The following SHANK1 variants were observed in gnomAD, a reference collection of about 807,000 sequenced individuals.
SHANK1 encodes SH3 and multiple ankyrin repeat domains 1.
SHANK1 carries 35 observed loss-of-function variants against 165.6 expected under a neutral mutation model. The ratio of observed to expected loss-of-function variants is 0.21; its 90% CI spans 0.16 to 0.28. The LOEUF (loss-of-function observed/expected upper bound fraction) is 0.28. SHANK1 is among the 10% of genes least tolerant of loss of function. SHANK1 has a pLI of 1.00. For missense variants in SHANK1, 2,681 were observed against 3,036.4 expected, an observed-to-expected ratio of 0.88 and a Z score of 2.75; for synonymous variants, 1,428 against 1,384.8, an observed-to-expected ratio of 1.03 and a Z score of -0.69.
intron 1 of SHANK1, among the ~76,000 whole-genome samples, chr19:50,719,005 G>T (rs1286836183): frequency 6.6e-6 from 1 of 151,566 alleles, no homozygotes; most frequent in Non-Finnish European, 1.5e-5. Flanking sequence ...CTAGACCCTC[G>T]CTGGAGGGGA....
intron 15 of SHANK1, 49 bp from the exon 16 acceptor site, chr19:50,689,328 G>A (rs779405105): frequency 7.5e-7 from 1 of 1,329,286 alleles, no homozygotes; most frequent in Non-Finnish European, 1.1e-6. Flanking sequence ...GAGTGGAGAA[G>A]ACATCATGAG....
At chr19:50,715,805 G>A (rs1005175249) in intron 3 of SHANK1, 75 bp from the exon 4 acceptor site, 9 of 1,401,746 alleles carry the variant, frequency 6.4e-6, no homozygotes, top group South Asian at 1.2e-5. Flanking sequence ...GCTTGGGGTA[G>A]GGGAAGGTCT....
Position 50,716,187 on chromosome 19 carries a change from G to T in SHANK1, c.459+88C>A. 1 of 1,291,312 alleles carries T rather than the reference G, an allele frequency of 7.7e-7. No homozygotes were observed. Among genetic ancestry groups the T allele is most frequent in the Non-Finnish European group, 1.1e-6 (1 of 898,600 alleles). The allele number at this position is 1,291,312 out of a possible 1,614,324, so 80.0% of individuals were successfully genotyped here. On this transcript the variant is annotated intron_variant, in intron 3 of 23. Coordinates refer to ENST00000293441, the MANE Select transcript of SHANK1 (RefSeq NM_016148.5). The surrounding 1 kb of genome is among the most constrained non-coding windows in gnomAD (Gnocchi z 8.4). ...GCACACTGGGTGCCCCCTCGTTAAG[G>T]TTTCGAGTGTGTTAAAAAGTGGGTG... is the stretch of plus-strand genomic sequence containing the variant.
chr19:50,695,516 C>CCCCCCTTAATCCCCCT (rs1986711201), intron 15 of SHANK1, among the ~76,000 whole-genome samples: 1 of 151,326 alleles, frequency 6.6e-6, no homozygotes, highest in Non-Finnish European at 1.5e-5. Context: ...CGGTCTGGGC[C>CCCCCCTTAATCCCCCT]CCCCCTTAAT....
intron 15 of SHANK1, among the ~76,000 whole-genome samples, chr19:50,693,366 C>G (rs557281596): frequency 6.6e-6 from 1 of 151,504 alleles, no homozygotes; most frequent in South Asian, 2.1e-4. Flanking sequence ...CCAGACCCCT[C>G]TAGTCCCTCC....
chr19:50,708,524 G>A (rs1180043808), intron 8 of SHANK1, among the ~76,000 whole-genome samples: 14 of 138,980 alleles, frequency 1.0e-4, no homozygotes, highest in Admixed American at 7.7e-4. Context: ...CAGGCCAGAT[G>A]CTGTGTCTGA....
Position 50,662,827 on chromosome 19 carries a change from A to G in SHANK1, c.5769-145T>C. 1 of 814,048 alleles carries G rather than the reference A, an allele frequency of 1.2e-6. No individual in the cohort carries two copies. The allele number at this position is 814,048 out of a possible 1,614,324, so 50.4% of individuals were successfully genotyped here. A position where few individuals can be genotyped will look rare whatever the true frequency, so the allele number is the denominator to read the frequency against. The stretch of plus-strand genomic sequence containing the variant: ...AGAGACGGAGGAGAGACGGGAAGAA[A>G]TGGAGGGAGCAAGGGGTAAGACGGC... On this transcript the variant is annotated intron_variant, in intron 23 of 23. Transcript: ENST00000293441. The surrounding 1 kb of genome is among the most constrained non-coding windows in gnomAD (Gnocchi z 7.7).
intron 21 of SHANK1, among the ~76,000 whole-genome samples, chr19:50,674,741 G>A (rs1457070396): frequency 1.3e-5 from 2 of 152,034 alleles, no homozygotes; most frequent in Admixed American, 6.6e-5. Flanking sequence ...GGGCAGCATA[G>A]GGAGACTCTG....
At chr19:50,693,543 C>T (rs1986612400) in intron 15 of SHANK1, among the ~76,000 whole-genome samples, 6 of 151,992 alleles carry the variant, frequency 3.9e-5, no homozygotes, top group Admixed American at 3.3e-4. Context: ...GGATCCCACA[C>T]ACAGGGGCAC....
intron 23 of SHANK1, among the ~76,000 whole-genome samples, chr19:50,664,726 T>C (rs566707355): frequency 2.2e-4 from 34 of 152,220 alleles, no homozygotes; most frequent in African/African-American, 7.7e-4. Flanking sequence ...GAAACAAACA[T>C]AAGCAGGTCT....
At position 50,660,041 on chromosome 19, in the gene SHANK1, CT is replaced by C. The variant is rs542900451; in HGVS notation, c.*1923del. ...CCCCTCATGGACGGAGCGCCCCCCC[CT>C]CTCGGGGGTAGGGGGCAGCAGAGGG... is the stretch of plus-strand genomic sequence containing the variant. On this transcript the variant is annotated 3_prime_UTR_variant, in exon 24 of 24. Coordinates refer to ENST00000293441, the MANE Select transcript of SHANK1 (RefSeq NM_016148.5). Among the ~76,000 whole-genome samples the C allele has an allele frequency of 6.8e-4, 103 of 151,342 alleles. No homozygotes were observed. The highest frequency in any genetic ancestry group is 3.4e-3 in the Middle Eastern group (1 of 294).
Position 50,672,050 on chromosome 19 carries a change from C to T in SHANK1, c.2642G>A (p.Gly881Glu), listed in dbSNP as rs1206346965. The T allele has an allele frequency of 3.7e-6, 6 of 1,613,970 alleles. No individual in the cohort carries two copies. Among genetic ancestry groups the T allele is most frequent in the Non-Finnish European group, 5.1e-6 (6 of 1,179,964 alleles). The change falls in exon 22 of 24, where the codon GGA becomes GAA. Residue 881 changes from glycine (G) to glutamate (E), a missense_variant. Transcript: ENST00000293441. ...TTTTTGCCGGAGCATCAACCCAGGTCCTGGAGGCAGGAAAGAAGGACGCTC... is the reference window on the plus strand; with the variant it reads ...TTTTTGCCGGAGCATCAACCCAGGTTCTGGAGGCAGGAAAGAAGGACGCTC... ...SYERPSFLPP[G>E]PGLMLRQKSI...
chr19:50,682,345 C>A (rs897847735), intron 21 of SHANK1, among the ~76,000 whole-genome samples: 1 of 152,144 alleles, frequency 6.6e-6, no homozygotes, highest in Non-Finnish European at 1.5e-5. Flanking sequence ...TGTGCCACTG[C>A]GCCCGGCCCA....
In SHANK1 at chr19:50,712,099, C is replaced by T; in HGVS notation, c.808G>A (p.Gly270Arg). 1 of 1,602,928 alleles carries T rather than the reference C, an allele frequency of 6.2e-7. No homozygotes were observed. ...CGGTCCTTGTAGTTGGGGGAACCCC[C>T]AAGGTCCAGGAGCGCCTAGGAACGG... Reference protein sequence around the residue: ...CLALTALLDLGGSPNYKDRRG... With the variant: ...CLALTALLDLRGSPNYKDRRG... Residue 270 changes from glycine (G) to arginine (R), a missense_variant, in exon 7 of 24, where the codon GGG (glycine) becomes AGG (arginine). Gly to Arg is a moderately radical substitution (Grantham distance 125). Transcript: ENST00000293441.
chr19:50,675,319 G>A (rs1379879025), intron 21 of SHANK1, among the ~76,000 whole-genome samples: 1 of 152,084 alleles, frequency 6.6e-6, no homozygotes, highest in African/African-American at 2.4e-5. Flanking sequence ...CTGTTGCACT[G>A]GCCACATTTG....
chr19:50,660,023 TGGAC>T lies in SHANK1; in HGVS notation c.*1938_*1941del, dbSNP rs1399893358. ...GGGGGCTTGCAGCCCCCTCCCCTCA[TGGAC>T]GGAGCGCCCCCCCCTCTCGGGGGTA... On this transcript the variant is annotated 3_prime_UTR_variant, in exon 24 of 24. Coordinates refer to ENST00000293441, the MANE Select transcript of SHANK1 (RefSeq NM_016148.5). 6.8e-6 allele frequency among the ~76,000 whole-genome samples: 1 copy of T among 148,104 alleles called. No individual in the cohort carries two copies. Among genetic ancestry groups the T allele is most frequent in the Non-Finnish European group, 1.5e-5 (1 of 66,882 alleles).
rs534480705 is a variant in SHANK1, at chr19:50,704,101, C to A, written c.1222+19G>T. ...ACCGCCCCAGGTTCTCTGTGCAGTC[C>A]GAGCTCCCTGTCACTCACCCACATC... On this transcript the variant is annotated intron_variant, in intron 10 of 23. Transcript: ENST00000293441. The A allele has an allele frequency of 1.2e-6, 2 of 1,613,214 alleles. No homozygotes were observed. Among genetic ancestry groups the A allele is most frequent in the Non-Finnish European group, 1.7e-6 (2 of 1,179,486 alleles).
Position 50,702,261 on chromosome 19 carries a change from C to T in SHANK1, c.1747+206G>A, listed in dbSNP as rs1033304109. Among the ~76,000 whole-genome samples the T allele has an allele frequency of 5.3e-5, 8 of 152,148 alleles. No homozygotes were observed. The highest frequency in any genetic ancestry group is 2.0e-4 in the Admixed American group (3 of 15,288). On this transcript the variant is annotated intron_variant, in intron 12 of 23. Transcript: ENST00000293441. This position sits in a 1 kb window ranked among gnomAD's most constrained non-coding sequence, Gnocchi z 5.3. Reference sequence around the variant, plus strand: ...GGCATCAGTGTCCCGCAGTGGGACACGGCTCACTTCACTGCCTCCTGACAG... The same window carrying T: ...GGCATCAGTGTCCCGCAGTGGGACATGGCTCACTTCACTGCCTCCTGACAG...
chr19:50,693,759 G>A (rs1293383538), intron 15 of SHANK1, among the ~76,000 whole-genome samples: 6 of 152,110 alleles, frequency 3.9e-5, no homozygotes, highest in Non-Finnish European at 8.8e-5. Context: ...ACACACAAGC[G>A]GATGCGGCTC....
Sources: gnomAD v4.1 joint callset for allele counts (sites outside exome capture counted in the v4.1 genomes callset) on GRCh38, gnomAD v4.1.1 for gene constraint, Gnocchi (gnomAD v3.1) non-coding constraint, MANE v1.5 for transcripts, NCBI Gene and HGNC (gene_info 2026-07-23, HGNC 2026-07-21) for gene names.